Variants in CDH13 observed in about 807,000 individuals in gnomAD.
The protein encoded by CDH13 is cadherin 13, also known as cadherin-13.
Under a neutral mutation model 63.8 loss-of-function variants are expected in CDH13, and 24 were observed. That is an observed-to-expected ratio of 0.38 (90% CI 0.27 to 0.53). The LOEUF is 0.53. Among genes scored for constraint, CDH13 ranks in the 20% least tolerant of loss-of-function variants. The pLI, the probability that CDH13 is intolerant of heterozygous loss-of-function variation, is 0.85. For synonymous variants in CDH13, 503 were observed against 355.3 expected, an observed-to-expected ratio of 1.42 and a Z score of -4.67; for missense variants, 1,049 against 903.1, an observed-to-expected ratio of 1.16 and a Z score of -2.07.
chr16:83,184,569 A>G (rs970305416), intron 4 of CDH13, among the ~76,000 whole-genome samples: 2 of 152,182 alleles, frequency 1.3e-5, no homozygotes, highest in African/African-American at 4.8e-5. Flanking sequence ...AGCCTGGCCA[A>G]CATGGTGAAA....
At chr16:83,244,388 A>G (rs1904776757) in intron 5 of CDH13, among the ~76,000 whole-genome samples, 1 of 152,096 alleles carries the variant, frequency 6.6e-6, no homozygotes. Context: ...AAGGATTTCT[A>G]TTTCCCATAA....
intron 10 of CDH13, among the ~76,000 whole-genome samples, chr16:83,697,775 G>A (rs1391728096): frequency 1.3e-5 from 2 of 152,226 alleles, no homozygotes; most frequent in East Asian, 1.9e-4. Flanking sequence ...AGCCTCCTGA[G>A]TAGCTGGGAT....
chr16:83,653,833 G>A (rs1166751576), intron 8 of CDH13, among the ~76,000 whole-genome samples: 1 of 152,168 alleles, frequency 6.6e-6, no homozygotes, highest in Non-Finnish European at 1.5e-5. Context: ...GCCTCCTATG[G>A]TTTGTCCGCT....
intron 3 of CDH13, among the ~76,000 whole-genome samples, chr16:83,121,180 C>T (rs7198517): frequency 0.24 from 35,816 of 152,052 alleles, 4,515 homozygotes; most frequent in East Asian, 0.35. Context: ...TCTTTGCCTG[C>T]ATATTGAGTC....
intron 7 of CDH13, among the ~76,000 whole-genome samples, chr16:83,543,636 T>C (rs184564605): frequency 1.1e-4 from 16 of 152,286 alleles, no homozygotes; most frequent in African/African-American, 3.6e-4. Context: ...CTGGGGGTGA[T>C]TGTGCTCCTC....
chr16:83,084,866 C>A (rs911900177), intron 3 of CDH13, among the ~76,000 whole-genome samples: 1 of 152,172 alleles, frequency 6.6e-6, no homozygotes, highest in African/African-American at 2.4e-5. Context: ...CCAGCCTGGG[C>A]AATAAGCACA....
intron 3 of CDH13, 32 bp from the exon 4 acceptor site, chr16:83,125,353 A>G: frequency 4.2e-6 from 5 of 1,193,288 alleles, no homozygotes; most frequent in Non-Finnish European, 6.2e-6. Context: ...TCAATGGGAG[A>G]TTTTAATCAA....
At chr16:83,110,158 G>A (rs1300005431) in intron 3 of CDH13, among the ~76,000 whole-genome samples, 3 of 152,208 alleles carry the variant, frequency 2.0e-5, no homozygotes, top group Admixed American at 6.5e-5. Context: ...ACTAGTAGCA[G>A]AAAACAAAGT....
intron 1 of CDH13, among the ~76,000 whole-genome samples, chr16:82,719,052 C>G (rs2032587888): frequency 6.6e-6 from 1 of 152,190 alleles, no homozygotes; most frequent in Non-Finnish European, 1.5e-5. Context: ...AGGTCAATAT[C>G]TCTTTCCCTG....
intron 3 of CDH13, among the ~76,000 whole-genome samples, chr16:83,080,889 T>TTTTTTG (rs1567810682): frequency 3.9e-5 from 5 of 128,574 alleles, no homozygotes; most frequent in Admixed American, 2.4e-4. Flanking sequence ...TTTTTTTTTT[T>TTTTTTG]TTTTTTTTTG....
At chr16:83,570,971 A>ATATATATATATATATATATATAT (rs57205262) in intron 7 of CDH13, among the ~76,000 whole-genome samples, 1 of 117,276 alleles carries the variant, frequency 8.5e-6, no homozygotes, top group African/African-American at 3.3e-5. Flanking sequence ...ATATATATAT[A>ATATATATATATATATATATATAT]AAAACCTTCT....
At chr16:83,506,888 A>C (rs992110777) in intron 7 of CDH13, among the ~76,000 whole-genome samples, 5 of 152,182 alleles carry the variant, frequency 3.3e-5, no homozygotes, top group Admixed American at 3.3e-4. Context: ...TCTAGCCCCC[A>C]TCAAGCTTTT....
At chr16:82,937,136 G>A (rs578098354) in intron 2 of CDH13, among the ~76,000 whole-genome samples, 13 of 152,082 alleles carry the variant, frequency 8.5e-5, no homozygotes, top group Admixed American at 1.3e-4. Flanking sequence ...ACCCACAAAC[G>A]CCTGTTCCCT....
At chr16:83,081,520 C>A (rs886610122) in intron 3 of CDH13, among the ~76,000 whole-genome samples, 5 of 152,188 alleles carry the variant, frequency 3.3e-5, no homozygotes, top group African/African-American at 1.2e-4. Context: ...TTAGTTTGGG[C>A]TGCTATAACA....
At chr16:83,172,962 C>G (rs999266820) in intron 4 of CDH13, among the ~76,000 whole-genome samples, 1 of 152,108 alleles carries the variant, frequency 6.6e-6, no homozygotes, top group Non-Finnish European at 1.5e-5. Context: ...ACTCTCCCCA[C>G]CCCACCTTAG....
chr16:83,787,611 C>A (rs1274112524), intron 13 of CDH13, among the ~76,000 whole-genome samples: 1 of 152,208 alleles, frequency 6.6e-6, no homozygotes, highest in East Asian at 1.9e-4. Flanking sequence ...AAGCCCAGCA[C>A]TGCCCAAAGA....
intron 4 of CDH13, among the ~76,000 whole-genome samples, chr16:83,147,023 G>A (rs2151687139): frequency 6.6e-6 from 1 of 152,248 alleles, no homozygotes; most frequent in African/African-American, 2.4e-5. Context: ...AAGAGGTGGA[G>A]GCTACAGTGA....
intron 6 of CDH13, among the ~76,000 whole-genome samples, chr16:83,353,722 C>A (rs1031241989): frequency 7.1e-4 from 108 of 152,354 alleles, no homozygotes; most frequent in African/African-American, 2.5e-3. Flanking sequence ...TATTCCTGGA[C>A]TAGCCTATGT....
intron 3 of CDH13, among the ~76,000 whole-genome samples, chr16:83,092,625 T>A (rs1353733506): frequency 6.6e-6 from 1 of 152,212 alleles, no homozygotes; most frequent in Non-Finnish European, 1.5e-5. Context: ...CTTCTTTCTT[T>A]GCCGCTTTAA....
Sources: allele counts gnomAD v4.1 joint callset (sites outside exome capture counted in the v4.1 genomes callset), GRCh38; gene constraint gnomAD v4.1.1; transcripts MANE v1.5; gene names NCBI Gene and HGNC (gene_info 2026-07-23, HGNC 2026-07-21).